Variants in B4GALT1 observed in about 807,000 individuals in gnomAD.
B4GALT1 encodes the protein N-acetyllactosamine synthase.
B4GALT1 carries 16 observed loss-of-function variants against 34.9 expected under a neutral mutation model. The observed-to-expected ratio is 0.46, with a 90% CI of 0.31 to 0.70. The LOEUF is 0.70. Ranked by LOEUF, B4GALT1 falls within the 30% of genes least tolerant of loss-of-function variation. B4GALT1 has a pLI of 0.05. For missense variants in B4GALT1, 445 were observed against 530.5 expected, an observed-to-expected ratio of 0.84 and a Z score of 1.58; for synonymous variants, 221 against 218.1, an observed-to-expected ratio of 1.01 and a Z score of -0.12.
intron 3 of B4GALT1, among the ~76,000 whole-genome samples, chr9:33,117,595 A>G (rs1442771427): frequency 6.6e-6 from 1 of 152,156 alleles, no homozygotes; most frequent in Non-Finnish European, 1.5e-5. Flanking sequence ...ATTAAGGAAA[A>G]CTCTAACTCA....
chr9:33,105,757 CATA>C (rs1261243456), downstream of B4GALT1, among the ~76,000 whole-genome samples: 5 of 152,050 alleles, frequency 3.3e-5, no homozygotes, highest in Non-Finnish European at 4.4e-5. Flanking sequence ...TTTCGGTTAG[CATA>C]ATATCTTCAA....
intron 1 of B4GALT1, among the ~76,000 whole-genome samples, chr9:33,147,603 G>GT (rs1309052700): frequency 1.3e-5 from 2 of 152,166 alleles, no homozygotes; most frequent in Admixed American, 6.6e-5. Flanking sequence ...AAAAGAGACT[G>GT]TTTACTGAGG....
intron 1 of B4GALT1, among the ~76,000 whole-genome samples, chr9:33,136,155 AC>A (rs1840269459): frequency 6.6e-6 from 1 of 152,210 alleles, no homozygotes; most frequent in African/African-American, 2.4e-5. Flanking sequence ...GGATAAAGTA[AC>A]AAAGAGGAAG....
intron 2 of B4GALT1, among the ~76,000 whole-genome samples, chr9:33,121,347 G>T (rs1840017754): frequency 6.6e-6 from 1 of 152,080 alleles, no homozygotes; most frequent in African/African-American, 2.4e-5. Flanking sequence ...TGGTGCAAAG[G>T]GAATGCATAT....
At chr9:33,120,169 G>A (rs1839999057) in intron 3 of B4GALT1, among the ~76,000 whole-genome samples, 1 of 151,704 alleles carries the variant, frequency 6.6e-6, no homozygotes, top group African/African-American at 2.4e-5. Context: ...GGGTGACAGA[G>A]CCAGACCCTG....
At chr9:33,123,768 T>C (rs1840055296) in intron 2 of B4GALT1, among the ~76,000 whole-genome samples, 1 of 152,176 alleles carries the variant, frequency 6.6e-6, no homozygotes, top group East Asian at 1.9e-4. Flanking sequence ...GAACCACGAA[T>C]GAGCACCTCT....
At position 33,120,451 on chromosome 9, in the gene B4GALT1, G is replaced by A; in HGVS notation, c.804C>T (p.His268=). The A allele has an allele frequency of 6.2e-7, 1 of 1,613,724 alleles. No individual in the cohort carries two copies. The highest frequency in any genetic ancestry group is 8.5e-7 in the Non-Finnish European group (1 of 1,180,038). Residue 268 remains histidine (H), a synonymous_variant, in exon 3 of 6, where the codon CAC becomes CAT. Coordinates refer to ENST00000379731, the MANE Select transcript of B4GALT1 (RefSeq NM_001497.4). The part of the protein sequence containing the change: ...NAYRCFSQPR[H]ISVAMDKFGF... ...CAAACTTATCCATTGCAACGGAAAT[G>A]TGCCGTGGCTGTGAAAAACACCTGT...
chr9:33,166,060 G>C (rs993197131), intron 1 of B4GALT1, among the ~76,000 whole-genome samples: 1 of 152,186 alleles, frequency 6.6e-6, no homozygotes, highest in African/African-American at 2.4e-5. Flanking sequence ...CCCATACCAG[G>C]AGGAGGCTAG....
At chr9:33,180,791 C>CT in the B4GALT1 span, among the ~76,000 whole-genome samples, 2 of 152,132 alleles carry the variant, frequency 1.3e-5, no homozygotes, top group African/African-American at 4.8e-5. Context: ...ATGGTGGGAG[C>CT]TAGGGCATTG....
chr9:33,107,184 C>A (rs942637296), downstream of B4GALT1, among the ~76,000 whole-genome samples: 3 of 152,184 alleles, frequency 2.0e-5, no homozygotes. Context: ...TAGCCACATT[C>A]CCTGCCTGGG....
At chr9:33,161,797 T>A (rs1047974956) in intron 1 of B4GALT1, among the ~76,000 whole-genome samples, 5 of 152,140 alleles carry the variant, frequency 3.3e-5, no homozygotes, top group African/African-American at 1.2e-4. Flanking sequence ...AGAATTCCAG[T>A]CTCTGCTTCT....
At chr9:33,127,180 G>A (rs111270586) in intron 2 of B4GALT1, among the ~76,000 whole-genome samples, 1 of 152,080 alleles carries the variant, frequency 6.6e-6, no homozygotes, top group Admixed American at 6.5e-5. Flanking sequence ...AGCCAGGATG[G>A]TCTCGATCTC....
intron 1 of B4GALT1, among the ~76,000 whole-genome samples, chr9:33,165,274 C>T (rs1466694129): frequency 6.6e-6 from 1 of 151,650 alleles, no homozygotes; most frequent in Non-Finnish European, 1.5e-5. Flanking sequence ...AGCCTGAGTG[C>T]CTGTATTTAA....
downstream of B4GALT1, among the ~76,000 whole-genome samples, chr9:33,107,720 G>T (rs1423711503): frequency 2.0e-5 from 3 of 152,194 alleles, no homozygotes; most frequent in South Asian, 2.1e-4. Context: ...TGAGGAAATG[G>T]CTGAGCCTAG....
rs147243611 is a variant in B4GALT1, at chr9:33,113,285, G to A, written c.*169C>T. ...ATTCACATGCCGAGCCAAGTTGGGG[G>A]CAAAATATCCCACTCGTCCTGGTCA... is the stretch of plus-strand genomic sequence containing the variant. On this transcript the variant is annotated 3_prime_UTR_variant, in exon 6 of 6. Transcript: ENST00000379731. 59 of 989,990 alleles carry A rather than the reference G, an allele frequency of 6.0e-5. No homozygotes were observed. The East Asian group carries it at 1.5e-3, about 25-fold the overall frequency. 61.3% of individuals were successfully genotyped at this position (989,990 alleles called of 1,614,324 possible).
chr9:33,116,168 C>T, intron 3 of B4GALT1, 55 bp from the exon 4 acceptor site: 2 of 1,595,360 alleles, frequency 1.3e-6, no homozygotes, highest in Admixed American at 1.7e-5. Context: ...TTCTGACATC[C>T]CCAAAATAAA....
At chr9:33,147,371 C>T (rs1435440172) in intron 1 of B4GALT1, among the ~76,000 whole-genome samples, 1 of 151,960 alleles carries the variant, frequency 6.6e-6, no homozygotes, top group Non-Finnish European at 1.5e-5. Context: ...CCTCAGCCTC[C>T]CAAGTAGCTG....
At chr9:33,123,810 G>A (rs1345469426) in intron 2 of B4GALT1, among the ~76,000 whole-genome samples, 4 of 152,224 alleles carry the variant, frequency 2.6e-5, no homozygotes, top group South Asian at 2.1e-4. Context: ...TGGCACCCTG[G>A]AGGAGAAGCC....
chr9:33,167,576 G>T (rs1193224770), upstream of B4GALT1, among the ~76,000 whole-genome samples: 2 of 152,240 alleles, frequency 1.3e-5, no homozygotes, highest in Non-Finnish European at 2.9e-5. Flanking sequence ...TTCCTCCCGA[G>T]CCTTTGCGGC....
Sources: allele counts gnomAD v4.1 joint callset (sites outside exome capture counted in the v4.1 genomes callset), GRCh38; gene constraint gnomAD v4.1.1; transcripts MANE v1.5; gene names NCBI Gene and HGNC (gene_info 2026-07-23, HGNC 2026-07-21).